The following SCRG1 variants were observed in gnomAD, a reference collection of about 807,000 sequenced individuals.
SCRG1 encodes the protein stimulator of chondrogenesis 1.
A neutral mutation model predicts 7.7 loss-of-function variants in SCRG1; 3 were observed. That is an observed-to-expected ratio of 0.39 (90% confidence interval 0.18 to 1.01). The LOEUF (loss-of-function observed/expected upper bound fraction) is 1.01, where lower values mean the gene tolerates loss of function less well. Ranked by LOEUF, SCRG1 falls within the 50% of genes least tolerant of loss-of-function variation. The probability of loss-of-function intolerance (pLI) is 0.36; values close to 1 mark genes in which losing one functional copy is unlikely to be tolerated. For missense variants in SCRG1, 110 were observed against 117.2 expected (o/e 0.94, Z 0.28); for synonymous variants, 46 against 41.2 (o/e 1.12, Z -0.44).
the SCRG1 span, chr4:173,419,361 C>G: frequency 1.8e-6 from 2 of 1,098,378 alleles, no homozygotes; most frequent in Non-Finnish European, 2.6e-6. Flanking sequence ...TTTTTAATTT[C>G]TTTCTTGGGC....
chr4:173,423,095 C>T, the SCRG1 span, among the ~76,000 whole-genome samples: 2 of 152,050 alleles, frequency 1.3e-5, no homozygotes, highest in Non-Finnish European at 2.9e-5. Flanking sequence ...CTGCTATGAA[C>T]CTCATGACAT....
At chr4:173,408,839 A>G (rs1739975057), upstream of SCRG1, among the ~76,000 whole-genome samples, 2 of 151,962 alleles carry the variant, frequency 1.3e-5, no homozygotes, top group African/African-American at 4.8e-5. Context: ...TAAAAATACA[A>G]AAAATTAGCC....
At chr4:173,413,144 A>G in the SCRG1 span, among the ~76,000 whole-genome samples, 1 of 151,914 alleles carries the variant, frequency 6.6e-6, no homozygotes, top group African/African-American at 2.4e-5. Context: ...AAATAATAAG[A>G]CCTTGACATC....
At chr4:173,433,143 T>C in the SCRG1 span, among the ~76,000 whole-genome samples, 1 of 152,246 alleles carries the variant, frequency 6.6e-6, no homozygotes, top group African/African-American at 2.4e-5. Context: ...CAAAAGCAGT[T>C]TGGACTTTAG....
At chr4:173,423,638 CT>C in the SCRG1 span, among the ~76,000 whole-genome samples, 3 of 151,378 alleles carry the variant, frequency 2.0e-5, no homozygotes, top group Non-Finnish European at 4.4e-5. Context: ...CTATAATTCT[CT>C]TTTTTTGGTC....
the SCRG1 span, among the ~76,000 whole-genome samples, chr4:173,500,316 C>T: frequency 6.6e-6 from 1 of 152,234 alleles, no homozygotes; most frequent in Non-Finnish European, 1.5e-5. Flanking sequence ...CCCCCAAGAG[C>T]TGCGGGGTGC....
At chr4:173,474,071 TC>T in the SCRG1 span, among the ~76,000 whole-genome samples, 711 of 152,106 alleles carry the variant, frequency 4.7e-3, 9 homozygotes, top group African/African-American at 0.016. Flanking sequence ...TCCCGGCTAC[TC>T]AGGAGGCTGA....
chr4:173,485,172 T>A, the SCRG1 span, among the ~76,000 whole-genome samples: 45 of 108,910 alleles, frequency 4.1e-4, 4 homozygotes, highest in Non-Finnish European at 6.9e-4. Flanking sequence ...ATTATATATA[T>A]TATATATTAC....
upstream of SCRG1, among the ~76,000 whole-genome samples, chr4:173,408,837 C>G (rs1372547658): frequency 6.6e-6 from 1 of 151,570 alleles, no homozygotes; most frequent in African/African-American, 2.4e-5. Context: ...ACTAAAAATA[C>G]AAAAAATTAG....
chr4:173,465,807 C>T, the SCRG1 span, among the ~76,000 whole-genome samples: 2 of 151,986 alleles, frequency 1.3e-5, no homozygotes, highest in African/African-American at 4.8e-5. Flanking sequence ...CCTCTGGTAA[C>T]TACCAATCTA....
the SCRG1 span, chr4:173,419,482 G>T: frequency 1.2e-6 from 1 of 832,104 alleles, no homozygotes. Context: ...ACTGTTTTTT[G>T]GAAGCATTTT....
the SCRG1 span, among the ~76,000 whole-genome samples, chr4:173,503,874 GACTT>G: frequency 2.6e-5 from 4 of 152,190 alleles, no homozygotes; most frequent in African/African-American, 4.8e-5. This position sits in a 1 kb window ranked among gnomAD's most constrained non-coding sequence, Gnocchi z 6.4. Flanking sequence ...GCAAAGTAGA[GACTT>G]ACAATAAACC....
At chr4:173,489,929 G>T in the SCRG1 span, among the ~76,000 whole-genome samples, 1 of 152,284 alleles carries the variant, frequency 6.6e-6, no homozygotes, top group African/African-American at 2.4e-5. Flanking sequence ...TCCCAGAAAT[G>T]ATGGAAATAA....
In SCRG1 at chr4:173,384,909, G is replaced by A. The variant is rs1739205657; in HGVS notation, c.*3432C>T. On this transcript the variant is annotated 3_prime_UTR_variant, in exon 3 of 3. Transcript: ENST00000296506. ...AATTGTGTGTCCTATCCATGTAAAA[G>A]TTTGCCTTTCTGTAAAGGAAATAAT... 6.6e-6 allele frequency: 1 copy of A among 152,112 alleles called. No individual in the cohort carries two copies. Among genetic ancestry groups the A allele is most frequent in the African/African-American group, 2.4e-5 (1 of 41,430 alleles). The allele number at this position is 152,112 out of a possible 1,614,324, so 9.4% of individuals were successfully genotyped here. A position where few individuals can be genotyped will look rare whatever the true frequency, so the allele number is the denominator to read the frequency against.
At chr4:173,415,014 TC>T in the SCRG1 span, among the ~76,000 whole-genome samples, 1 of 152,212 alleles carries the variant, frequency 6.6e-6, no homozygotes, top group African/African-American at 2.4e-5. Context: ...CAGGCTCACA[TC>T]CCATATATTG....
the SCRG1 span, among the ~76,000 whole-genome samples, chr4:173,473,552 C>T: frequency 6.6e-6 from 1 of 152,054 alleles, no homozygotes; most frequent in Admixed American, 6.5e-5. Flanking sequence ...GGGATTAATC[C>T]TGAAAAATGA....
At chr4:173,484,124 T>TACATA in the SCRG1 span, among the ~76,000 whole-genome samples, 8 of 42,926 alleles carry the variant, frequency 1.9e-4, no homozygotes, top group Non-Finnish European at 3.2e-4. Context: ...TAATATACAA[T>TACATA]ATATAATATA....
chr4:173,496,390 T>C, the SCRG1 span, among the ~76,000 whole-genome samples: 1 of 152,176 alleles, frequency 6.6e-6, no homozygotes, highest in African/African-American at 2.4e-5. Context: ...GCTAGGTTAT[T>C]AGCCTGAGCA....
chr4:173,405,189 G>T (rs141353476), intron 1 of SCRG1, among the ~76,000 whole-genome samples: 1 of 152,078 alleles, frequency 6.6e-6, no homozygotes, highest in African/African-American at 2.4e-5. Context: ...GACTTTGACC[G>T]TTTTGAGGAA....
Sources: gnomAD v4.1 joint callset for allele counts (sites outside exome capture counted in the v4.1 genomes callset) on GRCh38, gnomAD v4.1.1 for gene constraint, Gnocchi (gnomAD v3.1) non-coding constraint, MANE v1.5 for transcripts, NCBI Gene and HGNC (gene_info 2026-07-23, HGNC 2026-07-21) for gene names.